STAT5B: variants seen among roughly 807,000 people sequenced by gnomAD.
STAT5B encodes signal transducer and activator of transcription 5B.
STAT5B carries 21 observed loss-of-function variants against 107.8 expected under a neutral mutation model. The observed-to-expected ratio is 0.19, with a 90% confidence interval of 0.14 to 0.28. The LOEUF (loss-of-function observed/expected upper bound fraction) is 0.28, where lower values mean the gene tolerates loss of function less well. Among genes scored for constraint, STAT5B ranks in the 10% least tolerant of loss-of-function variants. The pLI is 1.00. For synonymous variants in STAT5B, 325 were observed against 401.7 expected (o/e 0.81, Z 2.28); for missense variants, 565 against 1,008.2 (o/e 0.56, Z 5.95).
At chr17:42,242,380 G>C (rs2080411505) in intron 1 of STAT5B, among the ~76,000 whole-genome samples, 1 of 152,056 alleles carries the variant, frequency 6.6e-6, no homozygotes, top group Non-Finnish European at 1.5e-5. Flanking sequence ...TAGTCTCAAA[G>C]TACTACTCAC....
At position 42,217,431 on chromosome 17, in the gene STAT5B, G is replaced by A. The variant is rs200710135; in HGVS notation, c.1203C>T (p.Cys401=). ...CTGTGGCTTGGTGGTACTCCATGAC[G>A]CAGCAGTTGTTCAAGATCTCGCCAC... ...DYSGEILNNC[C]VMEYHQATGT... is the part of the protein sequence containing the mutation. Residue 401 remains cysteine, a synonymous_variant, in exon 10 of 19, where the codon TGC becomes TGT. Coordinates refer to ENST00000293328, the MANE Select transcript of STAT5B (RefSeq NM_012448.4). 293 of 1,614,190 alleles carry A rather than the reference G, an allele frequency of 1.8e-4. No individual in the cohort carries two copies. The highest frequency in any genetic ancestry group is 2.4e-4 in the Non-Finnish European group (278 of 1,180,032).
rs1358640294 is a variant in STAT5B at position 42,200,646 on chromosome 17, G to A, written c.*1092C>T. 6.5e-6 allele frequency: 1 copy of A among 154,610 alleles called. No homozygotes were observed. Among genetic ancestry groups the A allele is most frequent in the East Asian group, 1.8e-4 (1 of 5,430 alleles). 9.6% of individuals were successfully genotyped at this position (154,610 alleles called of 1,614,324 possible). A position where few individuals can be genotyped will look rare whatever the true frequency, so the allele number is the denominator to read the frequency against. ...AGGTGTGAACAGAGAAGGGGAATGA[G>A]GTGACCTGGGTTTGAATGACCCAGG... is the stretch of plus-strand genomic sequence containing the variant. On this transcript the variant is annotated 3_prime_UTR_variant, in exon 19 of 19. Coordinates refer to ENST00000293328, the MANE Select transcript of STAT5B (RefSeq NM_012448.4).
chr17:42,286,648 C>T, the STAT5B span, among the ~76,000 whole-genome samples: 1 of 152,174 alleles, frequency 6.6e-6, no homozygotes, highest in Non-Finnish European at 1.5e-5. Context: ...ATCAGGTGCC[C>T]AGATGTCAGT....
At chr17:42,218,022 T>C in intron 9 of STAT5B, 129 bp downstream of exon 9, 3 of 1,491,758 alleles carry the variant, frequency 2.0e-6, no homozygotes, top group Non-Finnish European at 1.8e-6. Context: ...CTTCCTTATA[T>C]TCCTTTGCTG....
intron 12 of STAT5B, among the ~76,000 whole-genome samples, chr17:42,213,663 G>A (rs2080147267): frequency 6.6e-6 from 1 of 151,770 alleles, no homozygotes; most frequent in Non-Finnish European, 1.5e-5. Flanking sequence ...GAGTAGCTGG[G>A]ATCATAGGCA....
Position 42,200,883 on chromosome 17 carries a change from C to T in STAT5B, c.*855G>A, listed in dbSNP as rs976647768. The T allele has an allele frequency of 3.3e-5, 13 of 392,702 alleles. 1 individual carries two copies. The highest frequency in any genetic ancestry group is 6.4e-4 in the Middle Eastern group (1 of 1,560). The allele number at this position is 392,702 out of a possible 1,614,324, so 24.3% of individuals were successfully genotyped here. On this transcript the variant is annotated 3_prime_UTR_variant, in exon 19 of 19. Transcript: ENST00000293328. ...CTGGGTAACCAGGCAACAATCTCAGCGCCTGGGAGTCAGGGCTGCGCACTC... is the reference window on the plus strand; with the variant it reads ...CTGGGTAACCAGGCAACAATCTCAGTGCCTGGGAGTCAGGGCTGCGCACTC...
Position 42,201,157 on chromosome 17 carries a change from C to T in STAT5B, c.*581G>A, listed in dbSNP as rs1021717573. 1.1e-4 allele frequency: 43 copies of T among 407,222 alleles called. No homozygotes were observed. The highest frequency in any genetic ancestry group is 1.8e-4 in the Non-Finnish European group (41 of 231,042). The allele number at this position is 407,222 out of a possible 1,614,324, so 25.2% of individuals were successfully genotyped here. On this transcript the variant is annotated 3_prime_UTR_variant, in exon 19 of 19. Transcript: ENST00000293328. ...CCCCAACAATCTTTGTAGGTTGCCC[C>T]TTTTCCCATTCCTACCCAAGAACAC...
chr17:42,213,491 A>C lies in STAT5B; in HGVS notation c.1474-1301T>G, dbSNP rs182815646. 1.3e-4 allele frequency among the ~76,000 whole-genome samples: 19 copies of C among 146,130 alleles called. No individual in the cohort carries two copies. The South Asian group carries it at 3.8e-3, about 29-fold the overall frequency. On this transcript the variant is annotated intron_variant, in intron 12 of 18. Transcript: ENST00000293328. Reference sequence around the variant, plus strand: ...CAAAGTGCTGGGATTGCAGGCATAAACCACTGTGCCTGGCCACAAGTCTTT... The same window carrying C: ...CAAAGTGCTGGGATTGCAGGCATAACCCACTGTGCCTGGCCACAAGTCTTT...
At chr17:42,269,721 T>C (rs1025702315) in intron 1 of STAT5B, 21 of 152,170 alleles carry the variant, frequency 1.4e-4, no homozygotes, top group African/African-American at 4.6e-4. Context: ...GTCTGTGACT[T>C]GATCTCCCAA....
In STAT5B at chr17:42,274,327, T is replaced by C. The variant is rs1275332045; in HGVS notation, c.-11+1921A>G. On this transcript the variant is annotated intron_variant, in intron 1 of 18. Transcript: ENST00000293328. ...AAAAAACCTCTCCATTCCTTCCCTGTGTCTCAATCTGGAGCTTGAAATTTC... is the reference window on the plus strand; with the variant it reads ...AAAAAACCTCTCCATTCCTTCCCTGCGTCTCAATCTGGAGCTTGAAATTTC... 2.7e-5 allele frequency among the ~76,000 whole-genome samples: 4 copies of C among 149,914 alleles called. No homozygotes were observed. The South Asian group carries it at 8.5e-4, about 32-fold the overall frequency.
intron 1 of STAT5B, among the ~76,000 whole-genome samples, chr17:42,257,925 A>G (rs572607893): frequency 3.3e-5 from 5 of 152,200 alleles, no homozygotes; most frequent in Non-Finnish European, 7.3e-5. Flanking sequence ...CAATATAATG[A>G]ATTTTATGAG....
In STAT5B at chr17:42,205,824, C is replaced by T. The variant is rs1323771058; in HGVS notation, c.2077+1734G>A. On this transcript the variant is annotated intron_variant, in intron 16 of 18. Coordinates refer to ENST00000293328, the MANE Select transcript of STAT5B (RefSeq NM_012448.4). The stretch of plus-strand genomic sequence containing the variant: ...TGTGGGAGGCTGAGGTGGGAGGATC[C>T]CTTGAGTCTAGCAGTTTGAGACTGC... Among the ~76,000 whole-genome samples, 4 of 151,958 alleles carry T rather than the reference C, an allele frequency of 2.6e-5. No homozygotes were observed. The East Asian group carries it at 5.8e-4, about 22-fold the overall frequency.
At chr17:42,244,582 C>A (rs1240717897) in intron 1 of STAT5B, among the ~76,000 whole-genome samples, 1 of 151,992 alleles carries the variant, frequency 6.6e-6, no homozygotes, top group South Asian at 2.1e-4. Flanking sequence ...TAAAAACAAA[C>A]AAAACAGGCA....
chr17:42,277,203 CTCCTT>C (rs540279881), upstream of STAT5B, among the ~76,000 whole-genome samples: 6 of 152,324 alleles, frequency 3.9e-5, no homozygotes, highest in East Asian at 1.2e-3. Flanking sequence ...GTCACCCACT[CTCCTT>C]TCCTCTGCTA....
At chr17:42,234,653 A>G (rs2080343026) in intron 1 of STAT5B, 1 of 152,264 alleles carries the variant, frequency 6.6e-6, no homozygotes, top group Non-Finnish European at 1.5e-5. Context: ...TGAGGTCAGG[A>G]GTTCGGGACA....
intron 1 of STAT5B, among the ~76,000 whole-genome samples, chr17:42,268,259 G>C (rs1567679362): frequency 6.6e-6 from 1 of 151,968 alleles, no homozygotes; most frequent in East Asian, 1.9e-4. Flanking sequence ...TCTATATTTA[G>C]ATATGTTTAG....
chr17:42,250,434 A>T (rs950172724), intron 1 of STAT5B, among the ~76,000 whole-genome samples: 6 of 152,234 alleles, frequency 3.9e-5, no homozygotes, highest in African/African-American at 1.4e-4. Flanking sequence ...AAAATAAATG[A>T]CTTCATTTCC....
intron 16 of STAT5B, among the ~76,000 whole-genome samples, chr17:42,204,733 G>A (rs2144201384): frequency 6.6e-6 from 1 of 152,334 alleles, no homozygotes; most frequent in African/African-American, 2.4e-5. Context: ...TCCAGCCTCT[G>A]CCTTCTGAGT....
At chr17:42,218,426 G>A in intron 8 of STAT5B, 96 bp from the exon 9 acceptor site, 3 of 1,533,352 alleles carry the variant, frequency 2.0e-6, no homozygotes, top group Non-Finnish European at 2.6e-6. Flanking sequence ...GCCTCCCGAG[G>A]GGCTCAGGAG....
Sources: allele counts gnomAD v4.1 joint callset (sites outside exome capture counted in the v4.1 genomes callset), GRCh38; gene constraint gnomAD v4.1.1; transcripts MANE v1.5; gene names NCBI Gene and HGNC (gene_info 2026-07-23, HGNC 2026-07-21).